The following CALN1 variants were observed in gnomAD, a reference collection of about 807,000 sequenced individuals.
The protein encoded by CALN1 is calneuron 1.
Under a neutral mutation model 30.6 loss-of-function variants are expected in CALN1, and 17 were observed. That is an observed-to-expected ratio of 0.56 (90% CI 0.38 to 0.83). The LOEUF is 0.83. Ranked by LOEUF, CALN1 falls within the 40% of genes least tolerant of loss-of-function variation. The pLI, the probability that CALN1 is intolerant of heterozygous loss-of-function variation, is 0.00. For missense variants in CALN1, 291 were observed against 354.9 expected (o/e 0.82, Z 1.45); for synonymous variants, 156 against 131.4 (o/e 1.19, Z -1.28).
In CALN1 at chr7:71,832,614, G is replaced by GT. The variant is rs1470880287; in HGVS notation, c.502-22123dup. ...ACAGCTCCTAAGTGTTTCCTTTTTTGTTTTTTGAGACAGTCTTGCTCTGTC... is the reference window on the plus strand; with the variant it reads ...ACAGCTCCTAAGTGTTTCCTTTTTTGTTTTTTTGAGACAGTCTTGCTCTGTC... On this transcript the variant is annotated intron_variant, in intron 5 of 6. Transcript: ENST00000395275. 8.6e-5 allele frequency among the ~76,000 whole-genome samples: 13 copies of GT among 151,758 alleles called. No homozygotes were observed. The East Asian group carries it at 2.3e-3, about 27-fold the overall frequency.
intron 4 of CALN1, among the ~76,000 whole-genome samples, chr7:72,081,741 C>T (rs1584903702): frequency 1.3e-5 from 2 of 152,104 alleles, no homozygotes; most frequent in South Asian, 4.1e-4. Flanking sequence ...CAGCCATTAG[C>T]TCCTCCCTGG....
chr7:71,901,510 C>G (rs568186183), intron 5 of CALN1, among the ~76,000 whole-genome samples: 53 of 149,774 alleles, frequency 3.5e-4, no homozygotes, highest in African/African-American at 1.2e-3. Flanking sequence ...CATTACCTAA[C>G]TTCAAATTAT....
intron 6 of CALN1, among the ~76,000 whole-genome samples, chr7:71,808,930 G>C (rs1787777249): frequency 6.6e-6 from 1 of 152,024 alleles, no homozygotes; most frequent in South Asian, 2.1e-4. Context: ...ACCCTCGCAT[G>C]TCCTGCTGGA....
chr7:72,166,547 T>C (rs1182714563), intron 3 of CALN1, among the ~76,000 whole-genome samples: 1 of 152,236 alleles, frequency 6.6e-6, no homozygotes, highest in Non-Finnish European at 1.5e-5. Context: ...TGTTCATCAA[T>C]ATTTCTATTA....
intron 4 of CALN1, among the ~76,000 whole-genome samples, chr7:72,079,471 C>G (rs142843958): frequency 6.6e-6 from 1 of 152,110 alleles, no homozygotes; most frequent in Non-Finnish European, 1.5e-5. Context: ...ACGTAGCTCA[C>G]GGCCACACAG....
At chr7:72,040,785 G>A (rs1802077255) in intron 4 of CALN1, among the ~76,000 whole-genome samples, 1 of 152,126 alleles carries the variant, frequency 6.6e-6, no homozygotes, top group South Asian at 2.1e-4. Flanking sequence ...CCAGCCTTCA[G>A]AACTGCAAAA....
At chr7:71,868,679 C>T (rs1471557652) in intron 5 of CALN1, among the ~76,000 whole-genome samples, 3 of 151,908 alleles carry the variant, frequency 2.0e-5, no homozygotes, top group Non-Finnish European at 2.9e-5. Flanking sequence ...AAGACTAGCA[C>T]CAAGGAGATG....
At chr7:72,061,454 G>C (rs1803639850) in intron 4 of CALN1, among the ~76,000 whole-genome samples, 1 of 151,376 alleles carries the variant, frequency 6.6e-6, no homozygotes, top group Non-Finnish European at 1.5e-5. Flanking sequence ...GAGAGGAATG[G>C]GAAAATAGAA....
At chr7:72,178,804 T>A (rs2129545919) in intron 3 of CALN1, among the ~76,000 whole-genome samples, 1 of 151,380 alleles carries the variant, frequency 6.6e-6, no homozygotes, top group East Asian at 2.0e-4. Context: ...ACTACAAATG[T>A]CATTTTGTCA....
intron 2 of CALN1, among the ~76,000 whole-genome samples, chr7:72,340,243 T>G (rs1802319888): frequency 6.6e-6 from 1 of 152,200 alleles, no homozygotes. Flanking sequence ...TTGAACTCAC[T>G]TATGACATTT....
intron 5 of CALN1, among the ~76,000 whole-genome samples, chr7:71,867,365 G>T (rs1029231625): frequency 6.6e-6 from 1 of 152,104 alleles, no homozygotes; most frequent in South Asian, 2.1e-4. Context: ...ACCAGAATTT[G>T]ACCACATGTA....
At chr7:72,213,810 C>T (rs1585181474) in intron 3 of CALN1, among the ~76,000 whole-genome samples, 1 of 152,176 alleles carries the variant, frequency 6.6e-6, no homozygotes, top group Non-Finnish European at 1.5e-5. Context: ...GCACCCACCA[C>T]GCTCAGGTCC....
intron 4 of CALN1, among the ~76,000 whole-genome samples, chr7:72,066,912 G>C (rs141142250): frequency 0.02 from 3,029 of 152,052 alleles, 87 homozygotes; most frequent in African/African-American, 0.07. Flanking sequence ...CTCCCCAGCA[G>C]CTGGGATTAC....
At chr7:72,413,552 T>C (rs1807315136), upstream of CALN1, among the ~76,000 whole-genome samples, 1 of 150,468 alleles carries the variant, frequency 6.6e-6, no homozygotes, top group East Asian at 2.0e-4. Context: ...AGCTCATACA[T>C]GCATGCACTC....
chr7:71,856,278 A>T (rs1383404795), intron 5 of CALN1, among the ~76,000 whole-genome samples: 1 of 151,718 alleles, frequency 6.6e-6, no homozygotes, highest in Non-Finnish European at 1.5e-5. Flanking sequence ...CATTAATTTT[A>T]ATGTAAATAT....
chr7:72,179,928 TATCTC>T (rs1283470718), intron 3 of CALN1, among the ~76,000 whole-genome samples: 3 of 152,182 alleles, frequency 2.0e-5, no homozygotes, highest in Non-Finnish European at 4.4e-5. Context: ...GGATTAAAAA[TATCTC>T]ATCTGATAGT....
At chr7:72,395,548 G>A (rs538200638) in intron 2 of CALN1, among the ~76,000 whole-genome samples, 1 of 152,316 alleles carries the variant, frequency 6.6e-6, no homozygotes, top group South Asian at 2.1e-4. Context: ...AGCACCTTTA[G>A]AGGAACATTT....
intron 5 of CALN1, among the ~76,000 whole-genome samples, chr7:71,948,450 C>T (rs557022777): frequency 3.2e-4 from 49 of 152,092 alleles, no homozygotes; most frequent in Non-Finnish European, 6.5e-4. Flanking sequence ...GGTTTCAGGC[C>T]GGGCACGATT....
chr7:72,131,811 C>A (rs1014873583), intron 3 of CALN1, among the ~76,000 whole-genome samples: 6 of 152,150 alleles, frequency 3.9e-5, no homozygotes, highest in African/African-American at 1.4e-4. Flanking sequence ...GTTACGTTGC[C>A]TGGAACCACT....
Sources: gnomAD v4.1 joint callset for allele counts (sites outside exome capture counted in the v4.1 genomes callset) on GRCh38, gnomAD v4.1.1 for gene constraint, MANE v1.5 for transcripts, NCBI Gene and HGNC (gene_info 2026-07-23, HGNC 2026-07-21) for gene names.